Variants in DLGAP4 observed in about 807,000 individuals in gnomAD.
DLGAP4 encodes the protein disks large-associated protein 4.
In DLGAP4, 18 loss-of-function variants were observed where a neutral mutation model predicts 86.9. That is an observed-to-expected ratio of 0.21 (90% confidence interval 0.14 to 0.31). The LOEUF is 0.31. DLGAP4 is among the 10% of genes least tolerant of loss of function. The pLI is 1.00. For synonymous variants in DLGAP4, 548 were observed against 574.3 expected, an observed-to-expected ratio of 0.95 and a Z score of 0.65; for missense variants, 1,085 against 1,362.6, an observed-to-expected ratio of 0.80 and a Z score of 3.21.
chr20:36,383,760 G>C (rs371561813), intron 2 of DLGAP4, among the ~76,000 whole-genome samples: 3 of 152,092 alleles, frequency 2.0e-5, no homozygotes, highest in African/African-American at 4.8e-5. Flanking sequence ...CGGATCACGA[G>C]GTCAGGAGAT....
intron 10 of DLGAP4, among the ~76,000 whole-genome samples, chr20:36,521,874 C>T (rs2037399202): frequency 6.6e-6 from 1 of 152,176 alleles, no homozygotes; most frequent in Non-Finnish European, 1.5e-5. Context: ...CCTGTAATAT[C>T]TTTAACTCCT....
Position 36,432,070 on chromosome 20 carries a change from G to C in DLGAP4, c.353G>C (p.Gly118Ala). 6.2e-7 allele frequency: 1 copy of C among 1,614,150 alleles called. No individual in the cohort carries two copies. The highest frequency in any genetic ancestry group is 1.1e-5 in the South Asian group (1 of 91,078). The change falls in exon 3 of 13, where the codon GGC becomes GCC. Residue 118 changes from glycine (G) to alanine (A), a missense_variant. Transcript: ENST00000339266. This position sits in a 1 kb window ranked among gnomAD's most constrained non-coding sequence, Gnocchi z 6.5. ...AAGCAGCTGCCCATCCACCGTGATG[G>C]CTTCAGCACCCTCCAATTTCCCCGT... The part of the protein sequence containing the change: ...FEKQLPIHRD[G>A]FSTLQFPRGE...
intron 2 of DLGAP4, among the ~76,000 whole-genome samples, chr20:36,381,511 C>A (rs1184585619): frequency 6.6e-6 from 1 of 152,204 alleles, no homozygotes; most frequent in Non-Finnish European, 1.5e-5. Flanking sequence ...CATCATGCCT[C>A]CCTTCAGAAG....
chr20:36,446,510 G>A (rs2033594654), intron 6 of DLGAP4, among the ~76,000 whole-genome samples, 187 bp from the exon 7 acceptor site: 3 of 152,154 alleles, frequency 2.0e-5, no homozygotes, highest in African/African-American at 4.8e-5. Context: ...GAGGCCCAGA[G>A]AGGTAGGACT....
At chr20:36,453,519 A>C (rs1482592333) in intron 7 of DLGAP4, among the ~76,000 whole-genome samples, 1 of 152,004 alleles carries the variant, frequency 6.6e-6, no homozygotes, top group African/African-American at 2.4e-5. Flanking sequence ...CATGGTGGTC[A>C]CAGCTACTTG....
intron 7 of DLGAP4, among the ~76,000 whole-genome samples, chr20:36,474,580 C>T (rs1401747369): frequency 1.3e-5 from 2 of 152,208 alleles, no homozygotes; most frequent in African/African-American, 4.8e-5. Context: ...TTGCCCTGCA[C>T]AGGGATGCAG....
intron 11 of DLGAP4, chr20:36,525,613 A>T: frequency 1.7e-6 from 1 of 586,686 alleles, no homozygotes; most frequent in Non-Finnish European, 3.0e-6. Flanking sequence ...TACATTAGGG[A>T]CAGGAGTGCC....
intron 2 of DLGAP4, among the ~76,000 whole-genome samples, chr20:36,408,321 C>A (rs1051332182): frequency 2.6e-5 from 4 of 151,978 alleles, no homozygotes; most frequent in Admixed American, 1.3e-4. Context: ...GGCTCAGCTC[C>A]GCTAAAGACC....
intron 10 of DLGAP4, among the ~76,000 whole-genome samples, chr20:36,523,130 G>T (rs370237479): frequency 6.6e-6 from 1 of 152,154 alleles, no homozygotes; most frequent in African/African-American, 2.4e-5. Context: ...TGTCCCCCAG[G>T]CTGGAGTGCA....
intron 7 of DLGAP4, among the ~76,000 whole-genome samples, chr20:36,452,789 C>T (rs139607450): frequency 1.2e-3 from 180 of 144,518 alleles, no homozygotes; most frequent in African/African-American, 4.4e-3. Flanking sequence ...GGATTACAGG[C>T]GTGAGCCACT....
At chr20:36,497,718 C>A in intron 8 of DLGAP4, 2 of 842,156 alleles carry the variant, frequency 2.4e-6, no homozygotes, top group Non-Finnish European at 2.9e-6. Flanking sequence ...TGGCCAAAGT[C>A]AGCAGGCCCT....
At chr20:36,401,321 G>A (rs2032154277) in intron 2 of DLGAP4, among the ~76,000 whole-genome samples, 1 of 152,222 alleles carries the variant, frequency 6.6e-6, no homozygotes, top group Non-Finnish European at 1.5e-5. Context: ...ATTCCAAGCA[G>A]TCCCGGGCAG....
chr20:36,464,905 C>A (rs145690706), intron 7 of DLGAP4, among the ~76,000 whole-genome samples: 2,167 of 151,990 alleles, frequency 0.014, 26 homozygotes, highest in South Asian at 0.026. Flanking sequence ...GGTTTCAGAA[C>A]CACAAACGCC....
intron 2 of DLGAP4, among the ~76,000 whole-genome samples, chr20:36,368,587 C>T (rs776966844): frequency 1.3e-5 from 2 of 152,168 alleles, no homozygotes; most frequent in Non-Finnish European, 2.9e-5. Context: ...TCTGTTGTTG[C>T]GGCTGCAAAT....
rs1450005290 is a variant in DLGAP4 at position 36,331,074 on chromosome 20, A to G, written c.-304+24562A>G. Among the ~76,000 whole-genome samples, 5 of 152,298 alleles carry G rather than the reference A, an allele frequency of 3.3e-5. No homozygotes were observed. The East Asian group carries it at 9.7e-4, about 29-fold the overall frequency. On this transcript the variant is annotated intron_variant, in intron 1 of 12. Coordinates refer to ENST00000339266, the MANE Select transcript of DLGAP4 (RefSeq NM_001365621.2). ...GTGGGCCATGTGAGAGAGACAGCTC[A>G]TCCCCCCTGGGGGCCTGTGGGGGGA...
chr20:36,330,070 A>G (rs892100159), intron 1 of DLGAP4, among the ~76,000 whole-genome samples: 19 of 152,226 alleles, frequency 1.2e-4, no homozygotes, highest in South Asian at 6.2e-4. Context: ...TAATATCAGA[A>G]GCAGTCATCT....
intron 1 of DLGAP4, among the ~76,000 whole-genome samples, chr20:36,359,623 T>C (rs2030448804): frequency 6.6e-6 from 1 of 152,118 alleles, no homozygotes; most frequent in African/African-American, 2.4e-5. Context: ...GTGTCCTCAT[T>C]TGTGGCCTAC....
intron 2 of DLGAP4, among the ~76,000 whole-genome samples, chr20:36,379,767 C>A (rs1349082337): frequency 6.6e-6 from 1 of 152,234 alleles, no homozygotes; most frequent in Non-Finnish European, 1.5e-5. Flanking sequence ...GGGAAAATCA[C>A]TTGACCTCCC....
intron 10 of DLGAP4, among the ~76,000 whole-genome samples, chr20:36,503,633 G>A (rs1569521650): frequency 6.6e-6 from 1 of 151,914 alleles, no homozygotes; most frequent in African/African-American, 2.4e-5. Context: ...AACTACAGGC[G>A]CCTGCCAACC....
Sources: allele counts gnomAD v4.1 joint callset (sites outside exome capture counted in the v4.1 genomes callset), GRCh38; gene constraint gnomAD v4.1.1; non-coding constraint Gnocchi (gnomAD v3.1); transcripts MANE v1.5; gene names NCBI Gene and HGNC (gene_info 2026-07-23, HGNC 2026-07-21).